Variants in SESTD1 observed in about 807,000 individuals in gnomAD.
SESTD1 encodes SEC14 domain and spectrin repeat-containing protein 1.
Under a neutral mutation model 101.7 loss-of-function variants are expected in SESTD1, and 43 were observed. The ratio of observed to expected loss-of-function variants is 0.42; its 90% CI spans 0.33 to 0.55. The LOEUF is 0.55. Among genes scored for constraint, SESTD1 ranks in the 20% least tolerant of loss-of-function variants. The pLI is 0.07. For missense variants in SESTD1, 647 were observed against 815.1 expected (o/e 0.79, Z 2.51); for synonymous variants, 283 against 286.8 (o/e 0.99, Z 0.13).
At chr2:179,204,731 A>G (rs2046568422) in intron 1 of SESTD1, among the ~76,000 whole-genome samples, 1 of 135,180 alleles carries the variant, frequency 7.4e-6, no homozygotes, top group Non-Finnish European at 1.6e-5. Flanking sequence ...TTTTCCCACC[A>G]ATGCTTTTAC....
chr2:179,191,907 A>T, intron 1 of SESTD1, 41 bp from the exon 2 acceptor site: 3 of 1,307,734 alleles, frequency 2.3e-6, no homozygotes, highest in Non-Finnish European at 3.3e-6. Flanking sequence ...CAAGACAACA[A>T]TTATTCCACG....
At chr2:179,203,742 A>T (rs1467418785) in intron 1 of SESTD1, among the ~76,000 whole-genome samples, 1 of 133,530 alleles carries the variant, frequency 7.5e-6, no homozygotes, top group Non-Finnish European at 1.6e-5. Context: ...CGGACCCAAT[A>T]CTTGTGCCTG....
intron 9 of SESTD1, among the ~76,000 whole-genome samples, chr2:179,132,817 A>C (rs1244400701): frequency 6.6e-6 from 1 of 152,206 alleles, no homozygotes; most frequent in African/African-American, 2.4e-5. Context: ...ATTTAAGAAA[A>C]CTGAGTTTCA....
At chr2:179,155,909 GTCTCCAAAGTCTATTTTATCAT>G (rs1470994306) in intron 5 of SESTD1, among the ~76,000 whole-genome samples, 3 of 151,944 alleles carry the variant, frequency 2.0e-5, no homozygotes, top group Non-Finnish European at 4.4e-5. Flanking sequence ...TTTCCCCCAA[GTCTCCAAAGTCTATTTTATCAT>G]TCTTATGCCT....
intron 1 of SESTD1, among the ~76,000 whole-genome samples, chr2:179,217,196 A>C (rs1002442575): frequency 3.9e-5 from 6 of 152,250 alleles, no homozygotes; most frequent in Non-Finnish European, 7.3e-5. Flanking sequence ...GTGAACAGGC[A>C]AACTACAGAA....
intron 17 of SESTD1, among the ~76,000 whole-genome samples, chr2:179,112,019 G>A (rs1444770596): frequency 6.6e-6 from 1 of 152,132 alleles, no homozygotes; most frequent in Non-Finnish European, 1.5e-5. Context: ...ACGCCCGGCT[G>A]AAGCTCTTCC....
At chr2:179,165,955 G>A (rs1302066257) in intron 5 of SESTD1, among the ~76,000 whole-genome samples, 5 of 152,190 alleles carry the variant, frequency 3.3e-5, no homozygotes, top group Non-Finnish European at 7.3e-5. Context: ...CTTTTCTGAA[G>A]CCACTGGAGA....
intron 10 of SESTD1, among the ~76,000 whole-genome samples, chr2:179,128,747 GA>G (rs1016074033): frequency 6.9e-4 from 89 of 129,718 alleles, no homozygotes; most frequent in Admixed American, 1.9e-3. Flanking sequence ...AAAAAGAAAA[GA>G]AAAAAAAAAA....
At position 179,111,033 on chromosome 2, in the gene SESTD1, T is replaced by G. The variant is rs72949458; in HGVS notation, c.1962-1005A>C. Reference sequence around the variant, plus strand: ...AAGCAAGCATACCAGGGAGAGGTGTTCCTAGGCTGACATGGGTAGAACAGG... The same window carrying G: ...AAGCAAGCATACCAGGGAGAGGTGTGCCTAGGCTGACATGGGTAGAACAGG... On this transcript the variant is annotated intron_variant, in intron 17 of 17. Transcript: ENST00000428443. Among the ~76,000 whole-genome samples the G allele has an allele frequency of 9.9e-3, 1,501 of 152,200 alleles. 25 individuals carry two copies. The highest frequency in any genetic ancestry group is 0.017 in the Middle Eastern group (5 of 294).
intron 1 of SESTD1, among the ~76,000 whole-genome samples, chr2:179,247,515 C>A (rs1051513999): frequency 6.6e-6 from 1 of 152,164 alleles, no homozygotes; most frequent in African/African-American, 2.4e-5. Flanking sequence ...GCCTAGAACT[C>A]TTTGTCTCAC....
intron 1 of SESTD1, among the ~76,000 whole-genome samples, chr2:179,198,138 A>G (rs2046434993): frequency 2.6e-5 from 4 of 152,086 alleles, no homozygotes; most frequent in Admixed American, 2.0e-4. Context: ...ATGGAAAACA[A>G]AGAAAGGCAG....
chr2:179,143,174 T>C (rs1194747176), intron 9 of SESTD1, among the ~76,000 whole-genome samples: 1 of 152,124 alleles, frequency 6.6e-6, no homozygotes. Context: ...TATAAAAAAT[T>C]TGATATTAGA....
Position 179,109,568 on chromosome 2 carries a change from A to G in SESTD1, c.*331T>C. 1 of 397,062 alleles carries G rather than the reference A, an allele frequency of 2.5e-6. No individual in the cohort carries two copies. Among genetic ancestry groups the G allele is most frequent in the Non-Finnish European group, 4.4e-6 (1 of 225,104 alleles). 24.6% of individuals were successfully genotyped at this position (397,062 alleles called of 1,614,324 possible). On this transcript the variant is annotated 3_prime_UTR_variant, in exon 18 of 18. Transcript: ENST00000428443. Reference sequence around the variant, plus strand: ...CAACTTTTTTTTTTCTTTTTAATAGAGAGAATTCCTACTCTTATTAGCACC... The same window carrying G: ...CAACTTTTTTTTTTCTTTTTAATAGGGAGAATTCCTACTCTTATTAGCACC...
intron 9 of SESTD1, among the ~76,000 whole-genome samples, chr2:179,141,950 A>C (rs1210836411): frequency 6.6e-6 from 1 of 152,208 alleles, no homozygotes; most frequent in Non-Finnish European, 1.5e-5. Flanking sequence ...CATGGAATAA[A>C]TTCTAAATCC....
intron 1 of SESTD1, among the ~76,000 whole-genome samples, chr2:179,217,610 G>A (rs1008345048): frequency 1.3e-5 from 2 of 151,622 alleles, no homozygotes; most frequent in South Asian, 2.1e-4. Context: ...CATCTGACCC[G>A]TGATCCTATT....
intron 14 of SESTD1, among the ~76,000 whole-genome samples, chr2:179,117,044 A>C (rs1406300531): frequency 3.9e-5 from 6 of 152,242 alleles, no homozygotes; most frequent in Admixed American, 3.9e-4. Context: ...ACATAATAAA[A>C]GATCATGTAT....
At chr2:179,171,736 T>C (rs1575459926) in intron 5 of SESTD1, among the ~76,000 whole-genome samples, 1 of 152,162 alleles carries the variant, frequency 6.6e-6, no homozygotes, top group Admixed American at 6.6e-5. Context: ...ACTGGCCAGA[T>C]ACTAAAAAAT....
intron 1 of SESTD1, among the ~76,000 whole-genome samples, chr2:179,219,519 A>G (rs992897452): frequency 5.3e-5 from 8 of 152,258 alleles, no homozygotes; most frequent in Non-Finnish European, 1.0e-4. Flanking sequence ...TACTATAGTT[A>G]TAACTATCCT....
chr2:179,114,950 CTAATA>C (rs2044595129), intron 16 of SESTD1, 110 bp downstream of exon 16: 1 of 875,698 alleles, frequency 1.1e-6, no homozygotes, highest in African/African-American at 1.7e-5. Flanking sequence ...AACAACGGAA[CTAATA>C]TAAATATTGA....
Sources: gnomAD v4.1 joint callset for allele counts (sites outside exome capture counted in the v4.1 genomes callset) on GRCh38, gnomAD v4.1.1 for gene constraint, MANE v1.5 for transcripts, NCBI Gene and HGNC (gene_info 2026-07-23, HGNC 2026-07-21) for gene names.